The following ESRRB variants were observed in gnomAD, a reference collection of about 807,000 sequenced individuals.
The protein encoded by ESRRB is estrogen related receptor beta.
In ESRRB, 16 loss-of-function variants were observed where a neutral mutation model predicts 46.0. That is an observed-to-expected ratio of 0.35 (90% CI 0.24 to 0.53). ESRRB has a LOEUF of 0.53. ESRRB is among the 20% of genes least tolerant of loss of function. The pLI, the probability that ESRRB is intolerant of heterozygous loss-of-function variation, is 0.93. For missense variants in ESRRB, 488 were observed against 607.4 expected (o/e 0.80, Z 2.07); for synonymous variants, 246 against 259.6 (o/e 0.95, Z 0.50).
chr14:76,483,946 C>CA (rs1053523562), intron 5 of ESRRB, among the ~76,000 whole-genome samples: 2 of 152,184 alleles, frequency 1.3e-5, no homozygotes, highest in Non-Finnish European at 2.9e-5. Flanking sequence ...CTTCGCCCCC[C>CA]AGGTTCAAGT....
chr14:76,434,836 G>A (rs1402938394), intron 1 of ESRRB, among the ~76,000 whole-genome samples: 1 of 152,178 alleles, frequency 6.6e-6, no homozygotes, highest in African/African-American at 2.4e-5. Context: ...GTGCTGTGAA[G>A]CAAGGAACGT....
Position 76,439,475 on chromosome 14 carries a change from C to A in ESRRB, c.185C>A (p.Ala62Asp). The A allele has an allele frequency of 6.2e-7, 1 of 1,612,392 alleles. No individual in the cohort carries two copies. The highest frequency in any genetic ancestry group is 8.5e-7 in the Non-Finnish European group (1 of 1,179,744). The part of the protein sequence containing the change: ...SHHSPSGSSD[A>D]SGGFGLALGT... ...CACAGCCCCAGTGGCTCGTCCGACG[C>A]CAGCGGCGGCTTTGGCCTGGCCCTG... The change falls in exon 2 of 7, where the codon GCC (alanine) becomes GAC (aspartate). Residue 62 changes from alanine to aspartate, a missense_variant. Coordinates refer to ENST00000644823, the MANE Select transcript of ESRRB (RefSeq NM_001379180.1).
intron 1 of ESRRB, among the ~76,000 whole-genome samples, chr14:76,437,044 A>G (rs531731921): frequency 6.6e-6 from 1 of 151,876 alleles, no homozygotes; most frequent in East Asian, 1.9e-4. Flanking sequence ...TAATTAATCA[A>G]TTTTTGAGAC....
chr14:76,416,221 T>C (rs1348683549), intron 1 of ESRRB, among the ~76,000 whole-genome samples: 1 of 150,218 alleles, frequency 6.7e-6, no homozygotes, highest in East Asian at 2.0e-4. Flanking sequence ...CTGCAACCTC[T>C]TGGCTCCTGG....
intron 2 of ESRRB, among the ~76,000 whole-genome samples, chr14:76,446,819 C>A (rs1019907290): frequency 3.3e-5 from 5 of 152,162 alleles, no homozygotes; most frequent in Admixed American, 2.6e-4. Context: ...ACATCAGGTT[C>A]CTGAATTTAG....
intron 1 of ESRRB, among the ~76,000 whole-genome samples, chr14:76,413,519 C>T (rs185216278): frequency 7.7e-4 from 118 of 152,278 alleles, no homozygotes; most frequent in African/African-American, 2.6e-3. Flanking sequence ...TAAACTTCTC[C>T]TCCAGGAAGC....
At chr14:76,351,201 T>G (rs1884309703) in intron 1 of ESRRB, among the ~76,000 whole-genome samples, 1 of 152,152 alleles carries the variant, frequency 6.6e-6, no homozygotes, top group African/African-American at 2.4e-5. Flanking sequence ...GTTAATATCA[T>G]TAGAGTGGTT....
chr14:76,365,910 T>C (rs1330832194), intron 1 of ESRRB, among the ~76,000 whole-genome samples: 1 of 152,194 alleles, frequency 6.6e-6, no homozygotes, highest in Admixed American at 6.5e-5. Flanking sequence ...AGAAAATGCC[T>C]CTCTTATTGC....
At chr14:76,350,169 C>T (rs1315267122) in intron 1 of ESRRB, among the ~76,000 whole-genome samples, 2 of 152,072 alleles carry the variant, frequency 1.3e-5, no homozygotes, top group Admixed American at 6.5e-5. Context: ...GAGCAACTGC[C>T]CTGAATCTCT....
chr14:76,404,179 T>C (rs1886068233), intron 1 of ESRRB, among the ~76,000 whole-genome samples: 1 of 151,500 alleles, frequency 6.6e-6, no homozygotes. Context: ...CTCATGTGTA[T>C]GTGTGTGTGT....
chr14:76,498,428 C>A lies in ESRRB; in HGVS notation c.1335C>A (p.Leu445=). Residue 445 remains leucine (L), a synonymous_variant, in exon 7 of 7, where the codon CTC becomes CTA. Coordinates refer to ENST00000644823, the MANE Select transcript of ESRRB (RefSeq NM_001379180.1). ...KLQGKVPMHK[L]FLEMLEAKV ...AGGGCAAAGTGCCCATGCACAAACT[C>A]TTCCTGGAGATGCTGGAGGCCAAGG... 6.2e-7 allele frequency: 1 copy of A among 1,613,526 alleles called. No individual in the cohort carries two copies. The highest frequency in any genetic ancestry group is 8.5e-7 in the Non-Finnish European group (1 of 1,180,026).
chr14:76,490,018 C>T (rs546040223), intron 5 of ESRRB, among the ~76,000 whole-genome samples: 1 of 152,312 alleles, frequency 6.6e-6, no homozygotes, highest in East Asian at 1.9e-4. Context: ...TCTTTTCGCC[C>T]CCACAGCACC....
chr14:76,327,655 G>A (rs760091987), intron 1 of ESRRB, among the ~76,000 whole-genome samples: 1 of 152,080 alleles, frequency 6.6e-6, no homozygotes, highest in Non-Finnish European at 1.5e-5. Flanking sequence ...GCTGTTGAAT[G>A]GCGGCACTGG....
At chr14:76,401,525 T>C (rs1218531393) in intron 1 of ESRRB, among the ~76,000 whole-genome samples, 9 of 152,240 alleles carry the variant, frequency 5.9e-5, no homozygotes, top group African/African-American at 1.9e-4. Flanking sequence ...TGCCACATAA[T>C]GACATTTCAG....
chr14:76,437,746 C>T (rs1887736096), intron 1 of ESRRB, among the ~76,000 whole-genome samples: 1 of 152,158 alleles, frequency 6.6e-6, no homozygotes, highest in African/African-American at 2.4e-5. Flanking sequence ...TTTCCCTGAA[C>T]ACACACCTTA....
At chr14:76,338,944 T>A (rs1483280639) in intron 1 of ESRRB, among the ~76,000 whole-genome samples, 1 of 152,118 alleles carries the variant, frequency 6.6e-6, no homozygotes, top group African/African-American at 2.4e-5. Context: ...TTCCGTCCCC[T>A]TAACCCCCTG....
chr14:76,373,401 A>G (rs966293513), upstream of ESRRB, among the ~76,000 whole-genome samples: 1 of 152,094 alleles, frequency 6.6e-6, no homozygotes, highest in Non-Finnish European at 1.5e-5. Context: ...CACATGGAGG[A>G]GTCAGGACCC....
chr14:76,379,698 C>T (rs911572937), intron 1 of ESRRB, among the ~76,000 whole-genome samples: 23 of 152,094 alleles, frequency 1.5e-4, no homozygotes, highest in African/African-American at 1.9e-4. Flanking sequence ...ATTAGGTCAA[C>T]GCTGGAGGGC....
intron 1 of ESRRB, among the ~76,000 whole-genome samples, chr14:76,426,389 TG>T (rs1186978333): frequency 1.3e-5 from 2 of 152,274 alleles, no homozygotes; most frequent in African/African-American, 2.4e-5. Context: ...ACTGCCAGGG[TG>T]ACTGGGAAAT....
Sources: gnomAD v4.1 joint callset for allele counts (sites outside exome capture counted in the v4.1 genomes callset) on GRCh38, gnomAD v4.1.1 for gene constraint, MANE v1.5 for transcripts, NCBI Gene and HGNC (gene_info 2026-07-23, HGNC 2026-07-21) for gene names.